KCNB2: variants seen among roughly 807,000 people sequenced by gnomAD.
The protein encoded by KCNB2 is delayed rectifier potassium channel protein.
KCNB2 carries 15 observed loss-of-function variants against 61.5 expected under a neutral mutation model. The observed-to-expected ratio is 0.24, with a 90% CI of 0.16 to 0.38. The LOEUF (loss-of-function observed/expected upper bound fraction) is 0.38, where lower values mean the gene tolerates loss of function less well. Among genes scored for constraint, KCNB2 ranks in the 10% least tolerant of loss-of-function variants. KCNB2 has a pLI of 1.00. For missense variants in KCNB2, 828 were observed against 1,125.2 expected (o/e 0.74, Z 3.78); for synonymous variants, 457 against 446.0 (o/e 1.02, Z -0.31).
At chr8:72,615,638 G>A (rs560636611) in intron 2 of KCNB2, among the ~76,000 whole-genome samples, 3 of 152,296 alleles carry the variant, frequency 2.0e-5, no homozygotes, top group African/African-American at 7.2e-5. Context: ...GGATGGGTGT[G>A]TTTTGGGGGA....
chr8:72,607,660 C>A (rs1288948461), intron 2 of KCNB2, among the ~76,000 whole-genome samples: 1 of 151,924 alleles, frequency 6.6e-6, no homozygotes, highest in Non-Finnish European at 1.5e-5. Context: ...GTTTTTTAAT[C>A]CTCAGATATA....
chr8:72,687,611 AC>A (rs1216232069), intron 2 of KCNB2, among the ~76,000 whole-genome samples: 1 of 152,196 alleles, frequency 6.6e-6, no homozygotes, highest in East Asian at 1.9e-4. Flanking sequence ...TGTGCCGTTA[AC>A]CCTAAGGCCA....
At chr8:72,725,603 A>ATGTATATATATATATATATATG (rs1438518658) in intron 2 of KCNB2, among the ~76,000 whole-genome samples, 9 of 110,968 alleles carry the variant, frequency 8.1e-5, no homozygotes, top group East Asian at 7.1e-4. Context: ...ATATATATAT[A>ATGTATATATATATATATATATG]TATATATATA....
In KCNB2 at chr8:72,567,923, G is replaced by A; in HGVS notation, c.189G>A (p.Lys63=). The change falls in exon 2 of 3, where the codon AAG becomes AAA. Residue 63 remains lysine (K), a synonymous_variant. Transcript: ENST00000523207. ...LDRLPRTRLG[K]LRDCNTHESL... ...GGCTGCCCAGGACGCGCCTGGGGAA[G>A]CTTCGAGACTGCAACACACACGAGA... The A allele has an allele frequency of 6.2e-7, 1 of 1,613,902 alleles. No individual in the cohort carries two copies. Among genetic ancestry groups the A allele is most frequent in the Non-Finnish European group, 8.5e-7 (1 of 1,179,930 alleles).
At chr8:72,790,195 G>A (rs1808914302) in intron 2 of KCNB2, among the ~76,000 whole-genome samples, 1 of 152,148 alleles carries the variant, frequency 6.6e-6, no homozygotes, top group African/African-American at 2.4e-5. Context: ...TGGTGATTTG[G>A]AACCAATTAT....
At chr8:72,848,997 T>C (rs1040779907) in intron 2 of KCNB2, among the ~76,000 whole-genome samples, 1 of 150,448 alleles carries the variant, frequency 6.6e-6, no homozygotes, top group African/African-American at 2.4e-5. Flanking sequence ...TTTTTAAGTA[T>C]TTTCATCATC....
intron 2 of KCNB2, among the ~76,000 whole-genome samples, chr8:72,641,321 A>AT (rs946293929): frequency 1.3e-5 from 2 of 151,952 alleles, no homozygotes; most frequent in East Asian, 1.9e-4. Context: ...CAATATACTT[A>AT]TTTTTTCTGT....
At chr8:72,586,534 C>T (rs186563316) in intron 2 of KCNB2, among the ~76,000 whole-genome samples, 85 of 152,264 alleles carry the variant, frequency 5.6e-4, no homozygotes, top group African/African-American at 1.9e-3. Context: ...AGCCTGATAG[C>T]CTGATAGTGC....
chr8:72,747,345 G>C (rs1043551248), intron 2 of KCNB2, among the ~76,000 whole-genome samples: 1 of 152,194 alleles, frequency 6.6e-6, no homozygotes, highest in Non-Finnish European at 1.5e-5. Flanking sequence ...CAGATGGACA[G>C]TGAGTGGCCC....
intron 2 of KCNB2, among the ~76,000 whole-genome samples, chr8:72,839,180 A>C (rs1395550299): frequency 6.6e-6 from 1 of 152,216 alleles, no homozygotes; most frequent in Non-Finnish European, 1.5e-5. Flanking sequence ...CATGGTGCAC[A>C]TAATATTTTA....
At position 72,936,207 on chromosome 8, in the gene KCNB2, G is replaced by A. The variant is rs772615201; in HGVS notation, c.852G>A (p.Thr284=). 6.2e-6 allele frequency: 10 copies of A among 1,614,060 alleles called. No individual in the cohort carries two copies. Among genetic ancestry groups the A allele is most frequent in the East Asian group, 4.5e-5 (2 of 44,892 alleles). ...CGTACTATGTCACCATTTTTCTGAC[G>A]GAGTCCAACAAGAGCGTGCTGCAGT... The part of the protein sequence containing the change: ...ILPYYVTIFL[T]ESNKSVLQFQ... Residue 284 remains threonine (T), a synonymous_variant, in exon 3 of 3, where the codon ACG becomes ACA. Coordinates refer to ENST00000523207, the MANE Select transcript of KCNB2 (RefSeq NM_004770.3). The surrounding 1 kb of genome is among the most constrained non-coding windows in gnomAD (Gnocchi z 5.6).
chr8:72,893,221 A>G (rs1478787580), intron 2 of KCNB2, among the ~76,000 whole-genome samples: 1 of 152,170 alleles, frequency 6.6e-6, no homozygotes, highest in Non-Finnish European at 1.5e-5. Flanking sequence ...ATTAAAAAAA[A>G]ATCACACTCG....
intron 1 of KCNB2, among the ~76,000 whole-genome samples, chr8:72,551,424 C>T (rs1438498526): frequency 1.3e-5 from 2 of 152,082 alleles, no homozygotes; most frequent in Admixed American, 6.6e-5. Context: ...GGCCCCTTGT[C>T]GCCAGCATCG....
intron 2 of KCNB2, among the ~76,000 whole-genome samples, chr8:72,588,788 C>T (rs1807042247): frequency 6.6e-6 from 1 of 151,926 alleles, no homozygotes; most frequent in South Asian, 2.1e-4. Context: ...CCTAGCTACT[C>T]TGGAGGCTGA....
intron 2 of KCNB2, among the ~76,000 whole-genome samples, chr8:72,812,421 G>C (rs73297703): frequency 0.015 from 2,339 of 152,200 alleles, 51 homozygotes; most frequent in African/African-American, 0.053. Flanking sequence ...AGTGGTAGTG[G>C]TGGGTATCCT....
chr8:72,649,479 A>G (rs1239917117), intron 2 of KCNB2, among the ~76,000 whole-genome samples: 1 of 152,108 alleles, frequency 6.6e-6, no homozygotes, highest in Non-Finnish European at 1.5e-5. Context: ...TTGAAAAACT[A>G]TTAGGTGCTA....
intron 2 of KCNB2, among the ~76,000 whole-genome samples, chr8:72,898,813 C>A (rs912652015): frequency 6.6e-6 from 1 of 152,136 alleles, no homozygotes; most frequent in Admixed American, 6.6e-5. Context: ...AAGTACTCCA[C>A]AGTGTCTGTT....
intron 2 of KCNB2, among the ~76,000 whole-genome samples, chr8:72,693,888 A>G (rs1288839769): frequency 2.6e-5 from 4 of 152,232 alleles, no homozygotes; most frequent in African/African-American, 9.6e-5. Context: ...TCCCTCAAAC[A>G]TAATACTGTG....
intron 2 of KCNB2, among the ~76,000 whole-genome samples, chr8:72,636,348 A>G (rs1351004977): frequency 6.6e-6 from 1 of 152,154 alleles, no homozygotes; most frequent in Non-Finnish European, 1.5e-5. Flanking sequence ...TATTAAATTA[A>G]CTGATAGCAA....
Sources: gnomAD v4.1 joint callset for allele counts (sites outside exome capture counted in the v4.1 genomes callset) on GRCh38, gnomAD v4.1.1 for gene constraint, Gnocchi (gnomAD v3.1) non-coding constraint, MANE v1.5 for transcripts, NCBI Gene and HGNC (gene_info 2026-07-23, HGNC 2026-07-21) for gene names.